BMPR2: variants seen among roughly 807,000 people sequenced by gnomAD.
The protein encoded by BMPR2 is bone morphogenetic protein receptor type-2.
BMPR2 carries 29 observed loss-of-function variants against 100.8 expected under a neutral mutation model. The observed-to-expected ratio is 0.29, with a 90% CI of 0.21 to 0.39. BMPR2 has a LOEUF of 0.39. Among genes scored for constraint, BMPR2 ranks in the 10% least tolerant of loss-of-function variants. BMPR2 has a pLI of 1.00. For synonymous variants in BMPR2, 382 were observed against 442.3 expected, an observed-to-expected ratio of 0.86 and a Z score of 1.71; for missense variants, 1,011 against 1,274.5, an observed-to-expected ratio of 0.79 and a Z score of 3.15.
At chr2:202,466,151 G>T (rs1692316562) in intron 2 of BMPR2, among the ~76,000 whole-genome samples, 2 of 152,064 alleles carry the variant, frequency 1.3e-5, no homozygotes, top group Admixed American at 1.3e-4. Context: ...CCTTGATGTA[G>T]AATTATTAGG....
Position 202,456,964 on chromosome 2 carries a change from T to G in BMPR2, c.77-7845T>G, listed in dbSNP as rs78937514. ...CAATAGTGTGAACTCTCCTAATAACTGTATATAAATGTGTAAGTTGAACCT... is the reference window on the plus strand; with the variant it reads ...CAATAGTGTGAACTCTCCTAATAACGGTATATAAATGTGTAAGTTGAACCT... On this transcript the variant is annotated intron_variant, in intron 1 of 12. Transcript: ENST00000374580. 1.0e-3 allele frequency among the ~76,000 whole-genome samples: 154 copies of G among 152,308 alleles called. 1 individual carries two copies. The East Asian group carries it at 0.027, about 27-fold the overall frequency.
At chr2:202,414,629 A>G (rs976111208) in intron 1 of BMPR2, among the ~76,000 whole-genome samples, 4 of 152,222 alleles carry the variant, frequency 2.6e-5, no homozygotes, top group African/African-American at 9.6e-5. Flanking sequence ...AAGAAAATTA[A>G]ACAGCTTTAT....
At chr2:202,490,069 C>A (rs1692869659) in intron 3 of BMPR2, among the ~76,000 whole-genome samples, 1 of 152,184 alleles carries the variant, frequency 6.6e-6, no homozygotes, top group Admixed American at 6.5e-5. Flanking sequence ...AAGCTTCTAT[C>A]AATAGTGGAT....
chr2:202,549,342 C>T (rs1458494254), intron 10 of BMPR2, among the ~76,000 whole-genome samples: 1 of 152,012 alleles, frequency 6.6e-6, no homozygotes, highest in Non-Finnish European at 1.5e-5. Flanking sequence ...TCCATCCACT[C>T]GTGATGGATA....
chr2:202,469,324 G>A (rs1299781709), intron 3 of BMPR2, among the ~76,000 whole-genome samples: 2 of 151,782 alleles, frequency 1.3e-5, no homozygotes, highest in East Asian at 3.9e-4. Context: ...CACCGTACTC[G>A]GCCTGAGTGT....
chr2:202,436,481 C>A (rs1691618250), intron 1 of BMPR2, among the ~76,000 whole-genome samples: 1 of 150,388 alleles, frequency 6.6e-6, no homozygotes, highest in Admixed American at 6.6e-5. Context: ...AACAAAAAAA[C>A]CCACAAAAAC....
chr2:202,519,534 T>C (rs1375080641), intron 6 of BMPR2, among the ~76,000 whole-genome samples: 1 of 152,192 alleles, frequency 6.6e-6, no homozygotes, highest in Non-Finnish European at 1.5e-5. Flanking sequence ...ACTGTTTGTT[T>C]CGCTGTCTCC....
At chr2:202,396,769 C>T (rs1369535761) in intron 1 of BMPR2, among the ~76,000 whole-genome samples, 1 of 149,378 alleles carries the variant, frequency 6.7e-6, no homozygotes, top group African/African-American at 2.5e-5. Flanking sequence ...ATGTGAATGC[C>T]TTAGAGTTAT....
At chr2:202,408,280 C>T (rs1287761376) in intron 1 of BMPR2, among the ~76,000 whole-genome samples, 1 of 152,156 alleles carries the variant, frequency 6.6e-6, no homozygotes, top group Non-Finnish European at 1.5e-5. Context: ...TTTACTTTTG[C>T]AGTTTTAGGT....
intron 1 of BMPR2, among the ~76,000 whole-genome samples, chr2:202,441,440 C>T (rs1417363522): frequency 1.3e-5 from 2 of 149,666 alleles, no homozygotes; most frequent in Non-Finnish European, 2.9e-5. Context: ...TGCGGTGGCT[C>T]ACGCCTGTAA....
At chr2:202,392,526 A>G (rs1690570752) in intron 1 of BMPR2, among the ~76,000 whole-genome samples, 1 of 152,206 alleles carries the variant, frequency 6.6e-6, no homozygotes, top group Non-Finnish European at 1.5e-5. Context: ...TTCTGCGGAC[A>G]TGTCACAGTA....
chr2:202,457,421 C>A (rs1165531688), intron 1 of BMPR2, among the ~76,000 whole-genome samples: 1 of 150,276 alleles, frequency 6.7e-6, no homozygotes, highest in Non-Finnish European at 1.5e-5. Flanking sequence ...CTAGTGATTT[C>A]TTCATCAATA....
chr2:202,446,701 G>T (rs755383147), intron 1 of BMPR2, among the ~76,000 whole-genome samples: 1 of 148,966 alleles, frequency 6.7e-6, no homozygotes, highest in Non-Finnish European at 1.5e-5. Flanking sequence ...GCTCAGGCTG[G>T]AGTGCAGTGG....
intron 7 of BMPR2, chr2:202,520,455 A>G (rs1687800564): frequency 1.9e-6 from 1 of 517,328 alleles, no homozygotes; most frequent in East Asian, 3.5e-5. Context: ...CCTGGAGGCT[A>G]TCATGACCCA....
intron 1 of BMPR2, among the ~76,000 whole-genome samples, chr2:202,416,660 G>A (rs973880185): frequency 1.3e-5 from 2 of 151,302 alleles, no homozygotes; most frequent in South Asian, 4.2e-4. Context: ...TCTTGACCTC[G>A]TGATCCGCCC....
At chr2:202,423,892 T>TGA (rs1691324438) in intron 1 of BMPR2, among the ~76,000 whole-genome samples, 1 of 152,038 alleles carries the variant, frequency 6.6e-6, no homozygotes, top group South Asian at 2.1e-4. Flanking sequence ...CTGTCTCTAC[T>TGA]AAATATACAA....
At chr2:202,445,284 T>C (rs1462471033) in intron 1 of BMPR2, among the ~76,000 whole-genome samples, 1 of 150,192 alleles carries the variant, frequency 6.7e-6, no homozygotes, top group Non-Finnish European at 1.5e-5. Context: ...TGGAGTGCAG[T>C]TGGGTGATCA....
chr2:202,559,772 T>A lies in BMPR2; in HGVS notation c.2943T>A (p.Leu981=), dbSNP rs754776232. The A allele has an allele frequency of 1.2e-6, 2 of 1,614,154 alleles. No homozygotes were observed. Among genetic ancestry groups the A allele is most frequent in the South Asian group, 2.2e-5 (2 of 91,078 alleles). ...AACGTGTGAAAACTCCCTATTCTCT[T>A]AAGCGGTGGCGCCCCTCCACCTGGG... is the stretch of plus-strand genomic sequence containing the variant. The part of the protein sequence containing the change: ...IKKRVKTPYS[L]KRWRPSTWVI... Residue 981 remains leucine (L), a synonymous_variant, in exon 13 of 13, where the codon CTT becomes CTA. Transcript: ENST00000374580.
At position 202,560,249 on chromosome 2, in the gene BMPR2, A is replaced by G. The variant is rs1182677956; in HGVS notation, c.*303A>G. 3.1e-6 allele frequency: 1 copy of G among 325,380 alleles called. No individual in the cohort carries two copies. The highest frequency in any genetic ancestry group is 5.8e-6 in the Non-Finnish European group (1 of 172,236). 20.2% of individuals were successfully genotyped at this position (325,380 alleles called of 1,614,324 possible). On this transcript the variant is annotated 3_prime_UTR_variant, in exon 13 of 13. Coordinates refer to ENST00000374580, the MANE Select transcript of BMPR2 (RefSeq NM_001204.7). Reference sequence around the variant, plus strand: ...AGTGGTCTCAAAATATTTTTTTAAGAAAAAAAGCAAAAACAATGTATTGCT... The same window carrying G: ...AGTGGTCTCAAAATATTTTTTTAAGGAAAAAAGCAAAAACAATGTATTGCT...
Sources: allele counts gnomAD v4.1 joint callset (sites outside exome capture counted in the v4.1 genomes callset), GRCh38; gene constraint gnomAD v4.1.1; transcripts MANE v1.5; gene names NCBI Gene and HGNC (gene_info 2026-07-23, HGNC 2026-07-21).